SGCZ: variants seen among roughly 807,000 people sequenced by gnomAD.
SGCZ encodes the protein zeta-sarcoglycan.
A neutral mutation model predicts 41.3 loss-of-function variants in SGCZ; 40 were observed. The ratio of observed to expected loss-of-function variants is 0.97; its 90% confidence interval spans 0.75 to 1.26. The LOEUF is 1.26. Among genes scored for constraint, SGCZ ranks in the 50% most tolerant of loss-of-function variants. The pLI is 0.00. For missense variants in SGCZ, 552 were observed against 369.8 expected, an observed-to-expected ratio of 1.49 and a Z score of -4.04; for synonymous variants, 206 against 137.5, an observed-to-expected ratio of 1.50 and a Z score of -3.49.
chr8:14,338,663 T>C (rs1033967280), intron 2 of SGCZ, among the ~76,000 whole-genome samples: 5 of 152,226 alleles, frequency 3.3e-5, no homozygotes, highest in African/African-American at 7.2e-5. Context: ...CTCATTAAAA[T>C]ATGCATCTAC....
chr8:15,006,781 C>T (rs796147575), intron 1 of SGCZ, among the ~76,000 whole-genome samples: 8 of 152,214 alleles, frequency 5.3e-5, no homozygotes, highest in African/African-American at 1.9e-4. Flanking sequence ...GTTGTAAAAG[C>T]CTGTCTCCCA....
intron 3 of SGCZ, among the ~76,000 whole-genome samples, chr8:14,310,521 ATACTTT>A (rs1366095235): frequency 1.3e-5 from 2 of 151,958 alleles, no homozygotes; most frequent in Non-Finnish European, 2.9e-5. Context: ...TATTTTTATT[ATACTTT>A]AAGTTTTAGG....
chr8:14,596,525 C>T (rs1235049669), intron 1 of SGCZ, among the ~76,000 whole-genome samples: 2 of 152,040 alleles, frequency 1.3e-5, no homozygotes, highest in Admixed American at 6.6e-5. Flanking sequence ...ATAGAAATGT[C>T]TTAATAATAA....
At chr8:14,895,929 T>A (rs1419421739) in intron 1 of SGCZ, among the ~76,000 whole-genome samples, 1 of 152,220 alleles carries the variant, frequency 6.6e-6, no homozygotes, top group Non-Finnish European at 1.5e-5. Context: ...TATATAGGGT[T>A]GAGACTCACT....
In SGCZ at chr8:14,914,733, A is replaced by G. The variant is rs570773582; in HGVS notation, c.39+322852T>C. ...ATCAAAAAGCAGGCAAATCCAGAAG[A>G]AAACAGATGTTCCACAAATACAATT... On this transcript the variant is annotated intron_variant, in intron 1 of 7. Coordinates refer to ENST00000382080, the MANE Select transcript of SGCZ (RefSeq NM_139167.4). Among the ~76,000 whole-genome samples the G allele has an allele frequency of 2.1e-3, 323 of 152,332 alleles. 4 individuals carry two copies. Among genetic ancestry groups the G allele is most frequent in the Non-Finnish European group, 1.7e-3 (113 of 68,022 alleles).
intron 1 of SGCZ, among the ~76,000 whole-genome samples, chr8:14,910,697 A>C (rs938563080): frequency 3.3e-5 from 5 of 151,914 alleles, no homozygotes; most frequent in Non-Finnish European, 5.9e-5. Flanking sequence ...CTTTTAAAGC[A>C]CTTTGCCCAA....
At chr8:14,601,794 T>G (rs887965190) in intron 1 of SGCZ, among the ~76,000 whole-genome samples, 9 of 152,162 alleles carry the variant, frequency 5.9e-5, no homozygotes, top group African/African-American at 2.2e-4. Context: ...TTCTAGAATA[T>G]TTATGTACAT....
chr8:14,620,485 C>T (rs1806248768), intron 1 of SGCZ, among the ~76,000 whole-genome samples: 1 of 151,958 alleles, frequency 6.6e-6, no homozygotes. Flanking sequence ...AAGAAACTAC[C>T]ATCAGAGTGA....
intron 1 of SGCZ, among the ~76,000 whole-genome samples, chr8:15,085,270 G>A (rs920702921): frequency 2.0e-5 from 3 of 152,002 alleles, no homozygotes; most frequent in Non-Finnish European, 4.4e-5. Flanking sequence ...CTTCCCATTC[G>A]AACTTTCTAT....
At chr8:14,475,874 C>A (rs758975661) in intron 2 of SGCZ, among the ~76,000 whole-genome samples, 15 of 152,046 alleles carry the variant, frequency 9.9e-5, no homozygotes, top group Non-Finnish European at 1.9e-4. Flanking sequence ...CTGTCTGTGT[C>A]ACTCAGGCTG....
chr8:14,292,213 C>A (rs1800863994), intron 3 of SGCZ, among the ~76,000 whole-genome samples: 1 of 151,966 alleles, frequency 6.6e-6, no homozygotes, highest in Admixed American at 6.6e-5. Flanking sequence ...TTAATTTTTT[C>A]ATTCTTCAAA....
chr8:14,336,996 G>T (rs1802526323), intron 2 of SGCZ, among the ~76,000 whole-genome samples: 1 of 152,102 alleles, frequency 6.6e-6, no homozygotes. Context: ...AGAGGGAAGT[G>T]CTGTCCATAT....
intron 1 of SGCZ, among the ~76,000 whole-genome samples, chr8:14,824,018 G>A (rs956836800): frequency 1.3e-5 from 2 of 148,676 alleles, no homozygotes; most frequent in African/African-American, 5.0e-5. Context: ...CTTATATATA[G>A]AATCTAAAGG....
chr8:14,485,205 A>C (rs1207081360), intron 2 of SGCZ, among the ~76,000 whole-genome samples: 1 of 152,112 alleles, frequency 6.6e-6, no homozygotes, highest in Non-Finnish European at 1.5e-5. Flanking sequence ...ATTTCCTATC[A>C]GTATTCCTAT....
chr8:14,359,873 G>C (rs1803445378), intron 2 of SGCZ, among the ~76,000 whole-genome samples: 1 of 150,644 alleles, frequency 6.6e-6, no homozygotes, highest in Non-Finnish European at 1.5e-5. Flanking sequence ...TCAACAGAAT[G>C]CTGGCAAATC....
intron 2 of SGCZ, among the ~76,000 whole-genome samples, chr8:14,354,374 T>A (rs979542710): frequency 6.6e-6 from 1 of 151,864 alleles, no homozygotes; most frequent in African/African-American, 2.4e-5. Flanking sequence ...GAAAAGAATT[T>A]TTTAAAAAAC....
Position 14,421,485 on chromosome 8 carries a change from C to G in SGCZ, c.235-97281G>C, listed in dbSNP as rs188293377. ...AATGTTGTGATCTCCATGACAACTC[C>G]AAGGTATTCTTATTTCAGTGTCCAA... On this transcript the variant is annotated intron_variant, in intron 2 of 7. Coordinates refer to ENST00000382080, the MANE Select transcript of SGCZ (RefSeq NM_139167.4). Among the ~76,000 whole-genome samples, 36 of 152,226 alleles carry G rather than the reference C, an allele frequency of 2.4e-4. No individual in the cohort carries two copies. The East Asian group carries it at 4.4e-3, about 19-fold the overall frequency.
chr8:14,404,321 C>T (rs917277545), intron 2 of SGCZ, among the ~76,000 whole-genome samples: 1 of 151,978 alleles, frequency 6.6e-6, no homozygotes, highest in Non-Finnish European at 1.5e-5. Context: ...TTAATAAATG[C>T]CATGAATGTC....
intron 2 of SGCZ, among the ~76,000 whole-genome samples, chr8:14,330,848 AT>A (rs1802292974): frequency 1.3e-5 from 2 of 152,166 alleles, no homozygotes; most frequent in South Asian, 4.1e-4. Flanking sequence ...TCGATTAAAA[AT>A]AGAGAAAATC....
Sources: gnomAD v4.1 joint callset for allele counts (sites outside exome capture counted in the v4.1 genomes callset) on GRCh38, gnomAD v4.1.1 for gene constraint, MANE v1.5 for transcripts, NCBI Gene and HGNC (gene_info 2026-07-23, HGNC 2026-07-21) for gene names.